The following LYN variants were observed in gnomAD, a reference collection of about 807,000 sequenced individuals.
LYN encodes the protein tyrosine-protein kinase Lyn.
In LYN, 12 loss-of-function variants were observed where a neutral mutation model predicts 65.0. That is an observed-to-expected ratio of 0.18 (90% confidence interval 0.12 to 0.30). The LOEUF is 0.30. Ranked by LOEUF, LYN falls within the 10% of genes least tolerant of loss-of-function variation. The probability of loss-of-function intolerance (pLI) is 1.00; values close to 1 mark genes in which losing one functional copy is unlikely to be tolerated. For synonymous variants in LYN, 222 were observed against 221.2 expected, an observed-to-expected ratio of 1.00 and a Z score of -0.03; for missense variants, 380 against 623.2, an observed-to-expected ratio of 0.61 and a Z score of 4.16.
intron 10 of LYN, among the ~76,000 whole-genome samples, chr8:55,983,720 G>C (rs141429700): frequency 3.5e-4 from 54 of 152,248 alleles, no homozygotes; most frequent in African/African-American, 1.3e-3. Context: ...CTGGGACACT[G>C]TTCTCTGCTT....
intron 12 of LYN, among the ~76,000 whole-genome samples, chr8:56,007,013 C>T (rs1051428087): frequency 5.3e-5 from 8 of 152,288 alleles, no homozygotes; most frequent in Middle Eastern, 3.4e-3. Context: ...CATGTCCAGC[C>T]TTTACCAGCA....
intron 10 of LYN, among the ~76,000 whole-genome samples, chr8:55,978,574 G>A (rs567744032): frequency 6.6e-6 from 1 of 152,256 alleles, no homozygotes; most frequent in African/African-American, 2.4e-5. Context: ...AATAGGGGTT[G>A]GATGAGGTCC....
At chr8:55,888,238 C>T (rs1413143655) in intron 1 of LYN, among the ~76,000 whole-genome samples, 1 of 152,182 alleles carries the variant, frequency 6.6e-6, no homozygotes, top group Non-Finnish European at 1.5e-5. Context: ...GAGTGGGCCA[C>T]ACACCCTGGA....
chr8:55,974,109 T>C (rs536104603), intron 10 of LYN, among the ~76,000 whole-genome samples: 22 of 152,314 alleles, frequency 1.4e-4, no homozygotes, highest in South Asian at 4.1e-4. Flanking sequence ...GAGGTAAACT[T>C]GGACTTGGCC....
At chr8:55,995,098 A>G (rs1008796265) in intron 10 of LYN, among the ~76,000 whole-genome samples, 4 of 152,128 alleles carry the variant, frequency 2.6e-5, no homozygotes, top group Non-Finnish European at 4.4e-5. Flanking sequence ...GCCGCCACCA[A>G]AATTGCCACC....
intron 4 of LYN, among the ~76,000 whole-genome samples, chr8:55,949,141 G>A (rs556142418): frequency 1.3e-5 from 2 of 152,244 alleles, no homozygotes; most frequent in African/African-American, 2.4e-5. Flanking sequence ...TTGTCTTATG[G>A]TTTTCTTCTT....
At chr8:55,970,366 T>G (rs183769735) in intron 10 of LYN, among the ~76,000 whole-genome samples, 14 of 152,306 alleles carry the variant, frequency 9.2e-5, no homozygotes, top group Non-Finnish European at 1.3e-4. Context: ...TGAAGTGTAT[T>G]TAAGAGCAGA....
intron 10 of LYN, among the ~76,000 whole-genome samples, chr8:55,995,236 C>T (rs1243125987): frequency 6.6e-6 from 1 of 152,204 alleles, no homozygotes; most frequent in Admixed American, 6.6e-5. Flanking sequence ...GACTCAGGAG[C>T]TCTGCCTTCA....
chr8:55,965,120 C>T (rs563441469), intron 8 of LYN, among the ~76,000 whole-genome samples: 2 of 152,158 alleles, frequency 1.3e-5, no homozygotes, highest in Admixed American at 1.3e-4. Flanking sequence ...TCTGCTTTGC[C>T]AAATTACTGA....
At chr8:55,979,492 C>A (rs1458998855) in intron 10 of LYN, among the ~76,000 whole-genome samples, 1 of 152,136 alleles carries the variant, frequency 6.6e-6, no homozygotes, top group East Asian at 1.9e-4. Flanking sequence ...CCTCGGAGCA[C>A]GTGCTGTAGC....
Position 56,011,133 on chromosome 8 carries a change from A to G in LYN, c.*1023A>G. 4.4e-6 allele frequency: 1 copy of G among 228,918 alleles called. No homozygotes were observed. Among genetic ancestry groups the G allele is most frequent in the Non-Finnish European group, 8.7e-6 (1 of 115,478 alleles). 14.2% of individuals were successfully genotyped at this position (228,918 alleles called of 1,614,324 possible). On this transcript the variant is annotated 3_prime_UTR_variant, in exon 13 of 13. Transcript: ENST00000519728. ...TCGGGGCTATTTTTATGATTCAGCAATCTTTTCTAAATTGTGTAGCATGTG... is the reference window on the plus strand; with the variant it reads ...TCGGGGCTATTTTTATGATTCAGCAGTCTTTTCTAAATTGTGTAGCATGTG...
At chr8:55,916,909 G>A (rs1805793675) in intron 1 of LYN, among the ~76,000 whole-genome samples, 1 of 151,982 alleles carries the variant, frequency 6.6e-6, no homozygotes, top group African/African-American at 2.4e-5. Flanking sequence ...GGGCACAATG[G>A]CTCATACCTG....
chr8:55,942,022 A>G (rs1335427484), intron 2 of LYN, 31 bp downstream of exon 2: 7 of 1,610,608 alleles, frequency 4.3e-6, no homozygotes, highest in Non-Finnish European at 5.9e-6. Flanking sequence ...GAGAATTCCC[A>G]CAGCAAGATC....
intron 9 of LYN, among the ~76,000 whole-genome samples, chr8:55,968,399 G>A (rs961491042): frequency 6.6e-6 from 1 of 152,122 alleles, no homozygotes; most frequent in African/African-American, 2.4e-5. Flanking sequence ...GGGATTACAG[G>A]TGCCTGCCAC....
chr8:55,952,622 T>G (rs2130496051), intron 7 of LYN, among the ~76,000 whole-genome samples: 1 of 152,312 alleles, frequency 6.6e-6, no homozygotes, highest in African/African-American at 2.4e-5. Flanking sequence ...AAAGTAAGAT[T>G]TGATCCTTGT....
chr8:55,963,468 A>T (rs967360604), intron 8 of LYN, among the ~76,000 whole-genome samples: 6 of 152,164 alleles, frequency 3.9e-5, no homozygotes, highest in Non-Finnish European at 4.4e-5. Context: ...GACACCTTGG[A>T]TGTTGTCACA....
chr8:55,989,661 G>A (rs533871246), intron 10 of LYN, among the ~76,000 whole-genome samples: 1 of 152,146 alleles, frequency 6.6e-6, no homozygotes. Flanking sequence ...TAAAACTTTG[G>A]TCTCATTTAA....
intron 1 of LYN, among the ~76,000 whole-genome samples, chr8:55,911,116 C>T (rs1247621695): frequency 1.3e-4 from 1 of 7,594 alleles, no homozygotes; most frequent in Non-Finnish European, 2.7e-4. Context: ...CGTATATATA[C>T]GTATATATAT....
intron 1 of LYN, among the ~76,000 whole-genome samples, chr8:55,897,329 C>T (rs1805143607): frequency 1.3e-5 from 2 of 152,128 alleles, no homozygotes. Context: ...GTACTTCCCT[C>T]CTCCTCATAA....
Sources: allele counts gnomAD v4.1 joint callset (sites outside exome capture counted in the v4.1 genomes callset), GRCh38; gene constraint gnomAD v4.1.1; transcripts MANE v1.5; gene names NCBI Gene and HGNC (gene_info 2026-07-23, HGNC 2026-07-21).